Variants in GULP1 observed in about 807,000 individuals in gnomAD.
The protein encoded by GULP1 is GULP PTB domain containing engulfment adaptor 1, also known as PTB domain-containing engulfment adapter protein 1.
In GULP1, 19 loss-of-function variants were observed where a neutral mutation model predicts 40.9. The observed-to-expected ratio is 0.46, with a 90% CI of 0.32 to 0.68. The LOEUF (loss-of-function observed/expected upper bound fraction) is 0.68, where lower values mean the gene tolerates loss of function less well. GULP1 is among the 30% of genes least tolerant of loss of function. The pLI is 0.03. For synonymous variants in GULP1, 119 were observed against 117.6 expected (o/e 1.01, Z -0.08); for missense variants, 312 against 362.2 (o/e 0.86, Z 1.12).
intron 7 of GULP1, among the ~76,000 whole-genome samples, chr2:188,548,015 G>A (rs1692424457): frequency 6.6e-6 from 1 of 151,934 alleles, no homozygotes; most frequent in East Asian, 1.9e-4. Context: ...GCAAAATACA[G>A]ATATTTTACT....
chr2:188,293,625 A>T (rs1354234205), intron 1 of GULP1, among the ~76,000 whole-genome samples: 1 of 152,238 alleles, frequency 6.6e-6, no homozygotes, highest in East Asian at 1.9e-4. Context: ...ATGAACAAGT[A>T]GCCTTGGCTG....
chr2:188,433,391 C>T (rs10170220), intron 2 of GULP1, among the ~76,000 whole-genome samples: 30,764 of 151,962 alleles, frequency 0.2, 3,311 homozygotes, highest in African/African-American at 0.27. Context: ...TCCGGTTTCT[C>T]GAGCAAATGC....
At chr2:188,316,111 A>T (rs912199531) in intron 1 of GULP1, among the ~76,000 whole-genome samples, 1 of 152,166 alleles carries the variant, frequency 6.6e-6, no homozygotes, top group African/African-American at 2.4e-5. Context: ...AATTTTATTT[A>T]TTGCTCTGAA....
At chr2:188,462,500 C>G (rs1478260008) in intron 2 of GULP1, among the ~76,000 whole-genome samples, 1 of 152,032 alleles carries the variant, frequency 6.6e-6, no homozygotes, top group Non-Finnish European at 1.5e-5. Flanking sequence ...AAGATATTTC[C>G]AGTGCTTATA....
intron 2 of GULP1, among the ~76,000 whole-genome samples, chr2:188,416,605 G>C (rs549523232): frequency 2.8e-4 from 43 of 152,232 alleles, no homozygotes; most frequent in Non-Finnish European, 4.0e-4. Context: ...TGTGATGGAA[G>C]AGATAGGCTG....
At chr2:188,478,296 G>T (rs1559287883) in intron 3 of GULP1, among the ~76,000 whole-genome samples, 1 of 152,018 alleles carries the variant, frequency 6.6e-6, no homozygotes, top group Non-Finnish European at 1.5e-5. Context: ...GTTAGATGTT[G>T]TTTTTTAATG....
chr2:188,342,201 G>A (rs994690291), intron 1 of GULP1, among the ~76,000 whole-genome samples: 4 of 152,164 alleles, frequency 2.6e-5, no homozygotes, highest in Non-Finnish European at 4.4e-5. Flanking sequence ...TCTGGAGGCC[G>A]GAAGTTCAAA....
rs537974590 is a variant in GULP1 at position 188,509,918 on chromosome 2, A to AT, written c.91-12837dup. Among the ~76,000 whole-genome samples the AT allele has an allele frequency of 3.7e-4, 56 of 152,204 alleles. No homozygotes were observed. The South Asian group carries it at 8.9e-3, about 24-fold the overall frequency. ...AGGTTTGGGTCTATTTTGTTCACTG[A>AT]TGTATCCTCATATCTGAAACAGGAC... On this transcript the variant is annotated intron_variant, in intron 4 of 11. Coordinates refer to ENST00000409830, the MANE Select transcript of GULP1 (RefSeq NM_016315.4).
At chr2:188,370,328 A>G (rs1410512396) in intron 1 of GULP1, among the ~76,000 whole-genome samples, 2 of 152,126 alleles carry the variant, frequency 1.3e-5, no homozygotes, top group Non-Finnish European at 2.9e-5. Flanking sequence ...TGGTTGGACA[A>G]TCTATGGTAC....
chr2:188,520,179 C>T (rs2065593181), intron 4 of GULP1, among the ~76,000 whole-genome samples: 1 of 152,096 alleles, frequency 6.6e-6, no homozygotes, highest in Non-Finnish European at 1.5e-5. Context: ...GTGAGGCAAA[C>T]TGAAAGCCTG....
At chr2:188,346,756 A>G (rs1330375331) in intron 1 of GULP1, among the ~76,000 whole-genome samples, 3 of 151,990 alleles carry the variant, frequency 2.0e-5, no homozygotes, top group Admixed American at 2.0e-4. Flanking sequence ...GCGAATCATG[A>G]GGTCAAGAGA....
chr2:188,509,164 G>T (rs1278070243), intron 4 of GULP1, among the ~76,000 whole-genome samples: 1 of 152,022 alleles, frequency 6.6e-6, no homozygotes, highest in Non-Finnish European at 1.5e-5. Context: ...AACAGCTGTG[G>T]AATAAAAGAA....
At chr2:188,392,832 T>A (rs567146401) in intron 2 of GULP1, among the ~76,000 whole-genome samples, 1 of 152,146 alleles carries the variant, frequency 6.6e-6, no homozygotes, top group South Asian at 2.1e-4. Context: ...CATCTTGATC[T>A]TGTTATTAAC....
intron 1 of GULP1, among the ~76,000 whole-genome samples, chr2:188,323,600 T>C (rs573415162): frequency 2.0e-5 from 3 of 151,892 alleles, no homozygotes; most frequent in Admixed American, 2.0e-4. Context: ...TTAAGGAGTT[T>C]GTGAGTGCAA....
chr2:188,571,691 C>A (rs1699071862), intron 9 of GULP1, among the ~76,000 whole-genome samples: 1 of 152,146 alleles, frequency 6.6e-6, no homozygotes, highest in Non-Finnish European at 1.5e-5. Context: ...ACCTTCCATC[C>A]CAAGATGGAA....
At chr2:188,390,668 C>T (rs551237771) in intron 2 of GULP1, among the ~76,000 whole-genome samples, 1 of 152,066 alleles carries the variant, frequency 6.6e-6, no homozygotes, top group East Asian at 1.9e-4. Context: ...CTTTTGTGGT[C>T]TTAGTCATAA....
chr2:188,523,371 T>G (rs890944617), intron 5 of GULP1, among the ~76,000 whole-genome samples: 1 of 152,144 alleles, frequency 6.6e-6, no homozygotes, highest in Non-Finnish European at 1.5e-5. Flanking sequence ...GGACATTTAA[T>G]AAGCAACCCC....
intron 2 of GULP1, among the ~76,000 whole-genome samples, chr2:188,414,384 A>G (rs1460263149): frequency 6.6e-6 from 1 of 152,236 alleles, no homozygotes; most frequent in Non-Finnish European, 1.5e-5. Context: ...AAATAGGAAT[A>G]TTAACCACAG....
intron 2 of GULP1, among the ~76,000 whole-genome samples, chr2:188,455,672 G>A (rs553024788): frequency 6.6e-6 from 1 of 152,316 alleles, no homozygotes; most frequent in East Asian, 1.9e-4. Context: ...ATTGGTACCA[G>A]TAGAGTGGGG....
Sources: gnomAD v4.1 joint callset for allele counts (sites outside exome capture counted in the v4.1 genomes callset) on GRCh38, gnomAD v4.1.1 for gene constraint, MANE v1.5 for transcripts, NCBI Gene and HGNC (gene_info 2026-07-23, HGNC 2026-07-21) for gene names.